Variants in RAPGEF6 observed in about 807,000 individuals in gnomAD.
RAPGEF6 encodes the protein PDZ domain containing guanine nucleotide exchange factor (GEF) 2.
A neutral mutation model predicts 171.4 loss-of-function variants in RAPGEF6; 56 were observed. That is an observed-to-expected ratio of 0.33 (90% CI 0.26 to 0.41). The LOEUF is 0.41. Among genes scored for constraint, RAPGEF6 ranks in the 10% least tolerant of loss-of-function variants. RAPGEF6 has a pLI of 1.00. For missense variants in RAPGEF6, 1,674 were observed against 1,921.4 expected (o/e 0.87, Z 2.41); for synonymous variants, 692 against 650.1 (o/e 1.06, Z -0.98).
intron 17 of RAPGEF6, chr5:131,469,693 G>T: frequency 1.3e-6 from 1 of 788,392 alleles, no homozygotes; most frequent in Non-Finnish European, 1.9e-6. Context: ...GGAAAGAAAA[G>T]TTGTGCTTAC....
chr5:131,611,812 G>T (rs1302196876), intron 1 of RAPGEF6, among the ~76,000 whole-genome samples: 2 of 151,998 alleles, frequency 1.3e-5, no homozygotes, highest in Non-Finnish European at 2.9e-5. Context: ...GATTATTTTT[G>T]ATTCTCTGCA....
intron 7 of RAPGEF6, among the ~76,000 whole-genome samples, chr5:131,513,869 T>G (rs1237342915): frequency 6.6e-6 from 1 of 151,614 alleles, no homozygotes; most frequent in Non-Finnish European, 1.5e-5. Flanking sequence ...ATTAGCCGGG[T>G]GTGGTGGCAT....
chr5:131,492,852 G>A (rs372411616), intron 13 of RAPGEF6, 67 bp from the exon 14 acceptor site: 18 of 1,415,884 alleles, frequency 1.3e-5, no homozygotes, highest in East Asian at 9.7e-5. Context: ...AAAAGTCAAC[G>A]AAAATTATTA....
rs778983965 is a variant in RAPGEF6 at position 131,592,446 on chromosome 5, C to T, written c.218G>A (p.Cys73Tyr). The T allele has an allele frequency of 6.2e-7, 1 of 1,613,826 alleles. No homozygotes were observed. Among genetic ancestry groups the T allele is most frequent in the Admixed American group, 1.7e-5 (1 of 60,026 alleles). The change falls in exon 4 of 28, where the codon TGT (cysteine) becomes TAT (tyrosine). Residue 73 changes from cysteine (C) to tyrosine (Y), a missense_variant. Cys to Tyr is a radical substitution (Grantham distance 194, BLOSUM62 -2). Coordinates refer to ENST00000509018, the MANE Select transcript of RAPGEF6 (RefSeq NM_016340.6). ...AGATCCAGAAAGTAGGATATACCAA[C>T]ATCTGGCAATCGTTTCTGAACTGTT... is the stretch of plus-strand genomic sequence containing the variant. ...VLFCSETIARCWYILLSGSVL... is the reference protein window; with the variant it reads ...VLFCSETIARYWYILLSGSVL...
intron 23 of RAPGEF6, chr5:131,439,952 C>T: frequency 1.6e-6 from 1 of 644,920 alleles, no homozygotes; most frequent in Non-Finnish European, 2.5e-6. Flanking sequence ...AGTTTGTCTG[C>T]ACTTTGTGGT....
chr5:131,458,861 G>C (rs983499139), intron 19 of RAPGEF6, among the ~76,000 whole-genome samples: 3 of 152,138 alleles, frequency 2.0e-5, no homozygotes, highest in African/African-American at 7.2e-5. Context: ...TCACCATGTT[G>C]GTCAGGCTGG....
At chr5:131,431,451 A>C (rs537798335) in intron 25 of RAPGEF6, 102 bp from the exon 26 acceptor site, 1 of 1,270,586 alleles carries the variant, frequency 7.9e-7, no homozygotes, top group African/African-American at 1.5e-5. Context: ...AGCACGTACC[A>C]CAAGTGTTCA....
chr5:131,494,935 G>T (rs1455875563), intron 13 of RAPGEF6, among the ~76,000 whole-genome samples: 1 of 151,952 alleles, frequency 6.6e-6, no homozygotes. Context: ...AGAGACTGAG[G>T]GTACACATAT....
intron 4 of RAPGEF6, among the ~76,000 whole-genome samples, chr5:131,566,516 A>G (rs1046755909): frequency 6.6e-6 from 1 of 152,140 alleles, no homozygotes; most frequent in African/African-American, 2.4e-5. Flanking sequence ...ATGTATATTC[A>G]TGAGGAATAA....
chr5:131,487,595 C>A (rs575932540), intron 15 of RAPGEF6, among the ~76,000 whole-genome samples: 2 of 152,192 alleles, frequency 1.3e-5, no homozygotes, highest in East Asian at 3.9e-4. Flanking sequence ...GGTGCATTTA[C>A]AATCCTTTAC....
intron 1 of RAPGEF6, among the ~76,000 whole-genome samples, chr5:131,611,430 G>A (rs1175815046): frequency 6.6e-6 from 1 of 152,186 alleles, no homozygotes; most frequent in East Asian, 1.9e-4. Flanking sequence ...AATACTTTGG[G>A]AGGCCAAAGT....
chr5:131,567,788 A>G (rs1762041684), intron 4 of RAPGEF6, among the ~76,000 whole-genome samples: 1 of 152,230 alleles, frequency 6.6e-6, no homozygotes. Context: ...TATTATTGAA[A>G]GACTTTTGAA....
intron 4 of RAPGEF6, among the ~76,000 whole-genome samples, chr5:131,580,492 G>A (rs1222426470): frequency 4.6e-5 from 7 of 152,158 alleles, no homozygotes; most frequent in Admixed American, 1.3e-4. Context: ...ACAGTGCAGC[G>A]GCGGGCTGAA....
chr5:131,498,648 T>C, intron 11 of RAPGEF6, 41 bp from the exon 12 acceptor site: 1 of 1,571,276 alleles, frequency 6.4e-7, no homozygotes, highest in South Asian at 1.1e-5. Context: ...AATAAACAAA[T>C]GACCCAAGAA....
At chr5:131,522,648 T>C (rs1283085995) in intron 6 of RAPGEF6, among the ~76,000 whole-genome samples, 3 of 152,096 alleles carry the variant, frequency 2.0e-5, no homozygotes, top group Admixed American at 6.5e-5. Context: ...ACAGAAAACC[T>C]GAAGTACATA....
intron 5 of RAPGEF6, among the ~76,000 whole-genome samples, chr5:131,557,737 A>G (rs1259230139): frequency 6.6e-6 from 1 of 152,192 alleles, no homozygotes; most frequent in Non-Finnish European, 1.5e-5. Context: ...GGTTCTGATT[A>G]TCAAGAGCTT....
intron 4 of RAPGEF6, among the ~76,000 whole-genome samples, chr5:131,576,016 C>G (rs1022822023): frequency 6.6e-6 from 1 of 152,112 alleles, no homozygotes; most frequent in South Asian, 2.1e-4. Flanking sequence ...ACTTTCTGCC[C>G]GACTCCTTCA....
intron 6 of RAPGEF6, among the ~76,000 whole-genome samples, chr5:131,524,398 G>A (rs575869328): frequency 2.0e-5 from 3 of 152,268 alleles, no homozygotes; most frequent in South Asian, 2.1e-4. Context: ...CTTGATAGGT[G>A]AAGAATGTGT....
At chr5:131,519,159 A>C (rs751774450) in intron 7 of RAPGEF6, among the ~76,000 whole-genome samples, 4 of 150,010 alleles carry the variant, frequency 2.7e-5, no homozygotes, top group Non-Finnish European at 6.0e-5. Context: ...GGTGTACTCC[A>C]GTCTCATCCT....
Sources: allele counts gnomAD v4.1 joint callset (sites outside exome capture counted in the v4.1 genomes callset), GRCh38; gene constraint gnomAD v4.1.1; transcripts MANE v1.5; gene names NCBI Gene and HGNC (gene_info 2026-07-23, HGNC 2026-07-21).